KDM4A: variants seen among roughly 807,000 people sequenced by gnomAD.
KDM4A encodes lysine-specific demethylase 4A.
In KDM4A, 23 loss-of-function variants were observed where a neutral mutation model predicts 127.1. The ratio of observed to expected loss-of-function variants is 0.18; its 90% CI spans 0.13 to 0.26. KDM4A has a LOEUF of 0.26. Ranked by LOEUF, KDM4A falls within the 10% of genes least tolerant of loss-of-function variation. KDM4A has a pLI of 1.00. For synonymous variants in KDM4A, 443 were observed against 466.5 expected, an observed-to-expected ratio of 0.95 and a Z score of 0.65; for missense variants, 890 against 1,329.1, an observed-to-expected ratio of 0.67 and a Z score of 5.14.
intron 1 of KDM4A, among the ~76,000 whole-genome samples, chr1:43,652,512 T>A (rs1039029082): frequency 5.3e-5 from 8 of 151,984 alleles, no homozygotes; most frequent in African/African-American, 1.9e-4. Flanking sequence ...TTTTGTTGTT[T>A]ATTTAAAAAA....
At chr1:43,657,964 C>T (rs958661513) in intron 3 of KDM4A, among the ~76,000 whole-genome samples, 10 of 151,550 alleles carry the variant, frequency 6.6e-5, no homozygotes, top group South Asian at 2.1e-4. Context: ...AGGCTGGTCT[C>T]GCTTTTTCTT....
intron 1 of KDM4A, among the ~76,000 whole-genome samples, chr1:43,650,947 G>T (rs752561687): frequency 1.2e-4 from 19 of 152,256 alleles, no homozygotes; most frequent in Admixed American, 5.9e-4. Flanking sequence ...CCAGGGAACA[G>T]ATTTGGGGGA....
chr1:43,653,269 G>C lies in KDM4A; in HGVS notation c.94G>C (p.Ala32Pro), dbSNP rs146436198. ...GTTCCGAAACTTCAGTAGATACATT[G>C]CCTACATTGAATCCCAAGGAGCTCA... ...EEFRNFSRYI[A>P]YIESQGAHRA... The change falls in exon 2 of 22, where the codon GCC (alanine) becomes CCC (proline). Residue 32 changes from alanine to proline, a missense_variant. By Grantham distance (27) the Ala-to-Pro change is conservative. Transcript: ENST00000372396. 1.2e-6 allele frequency: 2 copies of C among 1,613,634 alleles called. No homozygotes were observed. Among genetic ancestry groups the C allele is most frequent in the Non-Finnish European group, 1.7e-6 (2 of 1,179,758 alleles).
chr1:43,673,568 G>T (rs1347699549), intron 11 of KDM4A, among the ~76,000 whole-genome samples: 1 of 151,864 alleles, frequency 6.6e-6, no homozygotes, highest in African/African-American at 2.4e-5. Flanking sequence ...CTCAGGGTAC[G>T]GTTTTGGTAG....
intron 12 of KDM4A, 52 bp downstream of exon 12, chr1:43,683,856 T>C (rs1244118576): frequency 6.2e-6 from 10 of 1,604,020 alleles, no homozygotes; most frequent in Non-Finnish European, 6.8e-6. Context: ...CACATTAGAC[T>C]TGACAGGACA....
intron 8 of KDM4A, among the ~76,000 whole-genome samples, chr1:43,667,490 G>A (rs966102237): frequency 5.3e-5 from 8 of 152,158 alleles, no homozygotes; most frequent in Non-Finnish European, 1.0e-4. Context: ...GTGGCTCACC[G>A]TCCTGGGGGC....
chr1:43,650,889 G>T (rs745542475), intron 1 of KDM4A, among the ~76,000 whole-genome samples: 4 of 152,182 alleles, frequency 2.6e-5, no homozygotes, highest in Admixed American at 1.3e-4. Context: ...GAATCTCTAG[G>T]CTTTGTTACT....
intron 6 of KDM4A, among the ~76,000 whole-genome samples, chr1:43,666,126 C>A (rs1384992054): frequency 6.6e-6 from 1 of 152,176 alleles, no homozygotes. Context: ...GATACTACAG[C>A]TGCATTACTG....
rs1350421470 is a variant in KDM4A, at chr1:43,686,460, C to T, written c.1856-2454C>T. ...CAAGTGATTCTCCTGCCTCAGCCTC[C>T]CGAGTAGCTAGGATTACAGGTGTGT... On this transcript the variant is annotated intron_variant, in intron 12 of 21. Transcript: ENST00000372396. 2.0e-5 allele frequency among the ~76,000 whole-genome samples: 3 copies of T among 152,056 alleles called. No homozygotes were observed. In the South Asian group the frequency reaches 6.2e-4, roughly 32 times the overall value.
rs376726028 is a variant in KDM4A, at chr1:43,666,571, A to G, written c.777+16A>G. 5 of 1,599,010 alleles carry G rather than the reference A, an allele frequency of 3.1e-6. No individual in the cohort carries two copies. Among genetic ancestry groups the G allele is most frequent in the Non-Finnish European group, 4.3e-6 (5 of 1,166,422 alleles). The stretch of plus-strand genomic sequence containing the variant: ...CTTTGACAAGGTGAGCTGATGTTAC[A>G]TGCCAAAGTTCTCAGGCACCACCCT... On this transcript the variant is annotated intron_variant, in intron 7 of 21. Coordinates refer to ENST00000372396, the MANE Select transcript of KDM4A (RefSeq NM_014663.3).
chr1:43,697,079 G>A (rs1661257537), intron 18 of KDM4A, among the ~76,000 whole-genome samples: 1 of 152,220 alleles, frequency 6.6e-6, no homozygotes, highest in African/African-American at 2.4e-5. Context: ...GTTGACACTG[G>A]GATGGGAGTC....
chr1:43,700,797 T>C (rs891867030), intron 19 of KDM4A, among the ~76,000 whole-genome samples: 10 of 152,140 alleles, frequency 6.6e-5, no homozygotes, highest in South Asian at 2.1e-4. Context: ...CTAAAACCCA[T>C]TGGTCTCTTC....
chr1:43,696,778 T>G (rs143015853), intron 18 of KDM4A, among the ~76,000 whole-genome samples: 111 of 152,374 alleles, frequency 7.3e-4, no homozygotes, highest in African/African-American at 2.6e-3. Context: ...AGCTGTAGAC[T>G]GCTGGTGCTA....
rs11438925 is a variant in KDM4A, at chr1:43,656,329, G to GTTTTT, written c.314+585_314+589dup. On this transcript the variant is annotated intron_variant, in intron 3 of 21. Coordinates refer to ENST00000372396, the MANE Select transcript of KDM4A (RefSeq NM_014663.3). ...TGTTTTCAGTTCTTCTCTGCTGTTG[G>GTTTTT]TTTTTTTTTTTTTTTTTTTTTTTTT... Among the ~76,000 whole-genome samples the GTTTTT allele has an allele frequency of 1.8e-4, 10 of 54,178 alleles. 3 individuals carry two copies. Among genetic ancestry groups the GTTTTT allele is most frequent in the East Asian group, 1.4e-3 (2 of 1,434 alleles). 35.5% of individuals were successfully genotyped at this position (54,178 alleles called of 152,430 possible).
Position 43,694,953 on chromosome 1 carries a change from A to G in KDM4A, c.2670+59A>G, listed in dbSNP as rs563054104. On this transcript the variant is annotated intron_variant, in intron 18 of 21. Coordinates refer to ENST00000372396, the MANE Select transcript of KDM4A (RefSeq NM_014663.3). The surrounding 1 kb of genome is among the most constrained non-coding windows in gnomAD (Gnocchi z 5.2). ...CAGTTTTCATGGTCATTTTCTCTGCATGTTTTCCATTTGTTGTATCAGCAA... is the reference window on the plus strand; with the variant it reads ...CAGTTTTCATGGTCATTTTCTCTGCGTGTTTTCCATTTGTTGTATCAGCAA... 2.7e-6 allele frequency: 4 copies of G among 1,466,862 alleles called. No homozygotes were observed. Among genetic ancestry groups the G allele is most frequent in the East Asian group, 4.7e-5 (2 of 42,638 alleles). 90.9% of individuals were successfully genotyped at this position (1,466,862 alleles called of 1,614,324 possible).
chr1:43,664,818 GTTA>G (rs948122610), intron 5 of KDM4A, among the ~76,000 whole-genome samples: 29 of 152,160 alleles, frequency 1.9e-4, no homozygotes, highest in African/African-American at 6.8e-4. Flanking sequence ...AGGTTTTCCA[GTTA>G]TTATATACAT....
chr1:43,699,133 G>C (rs953989466), intron 19 of KDM4A, among the ~76,000 whole-genome samples: 1 of 144,616 alleles, frequency 6.9e-6, no homozygotes. Context: ...GTCTCACTCT[G>C]TCACTTAGGC....
Position 43,669,175 on chromosome 1 carries a change from G to A in KDM4A, c.1239G>A (p.Glu413=), listed in dbSNP as rs747045651. 7 of 1,614,122 alleles carry A rather than the reference G, an allele frequency of 4.3e-6. No homozygotes were observed. In the Admixed American group the frequency reaches 8.3e-5, roughly 19 times the overall value. ...LEIPQEVSQS[E]LFPKEDLSSE... The stretch of plus-strand genomic sequence containing the variant: ...TACCACAGGAGGTGAGTCAGAGTGA[G>A]CTCTTCCCCAAGGAGGATCTGAGTT... Residue 413 remains glutamate (E), a synonymous_variant, in exon 10 of 22, where the codon GAG becomes GAA. Coordinates refer to ENST00000372396, the MANE Select transcript of KDM4A (RefSeq NM_014663.3).
chr1:43,703,553 A>G (rs1263565421), intron 19 of KDM4A, 64 bp from the exon 20 acceptor site: 1 of 1,598,782 alleles, frequency 6.3e-7, no homozygotes, highest in African/African-American at 1.3e-5. Flanking sequence ...CCCTGAGTAG[A>G]GGACAGTTAC....
Sources: allele counts gnomAD v4.1 joint callset (sites outside exome capture counted in the v4.1 genomes callset), GRCh38; gene constraint gnomAD v4.1.1; non-coding constraint Gnocchi (gnomAD v3.1); transcripts MANE v1.5; gene names NCBI Gene and HGNC (gene_info 2026-07-23, HGNC 2026-07-21).